Variants in SLC38A9 observed in about 807,000 individuals in gnomAD.
SLC38A9 encodes the protein neutral amino acid transporter 9.
A neutral mutation model predicts 62.3 loss-of-function variants in SLC38A9; 48 were observed. The observed-to-expected ratio is 0.77, with a 90% confidence interval of 0.61 to 0.98. The LOEUF is 0.98. Ranked by LOEUF, SLC38A9 falls within the 50% of genes least tolerant of loss-of-function variation. The pLI is 0.00. For missense variants in SLC38A9, 541 were observed against 679.8 expected (o/e 0.80, Z 2.27); for synonymous variants, 204 against 227.7 (o/e 0.90, Z 0.94).
intron 3 of SLC38A9, among the ~76,000 whole-genome samples, chr5:55,683,724 TAC>T (rs1753369647): frequency 6.6e-6 from 1 of 152,230 alleles, no homozygotes; most frequent in Non-Finnish European, 1.5e-5. Context: ...TGTATGTAGC[TAC>T]AGTCTGTTCA....
At chr5:55,662,700 T>A (rs190669199) in intron 8 of SLC38A9, among the ~76,000 whole-genome samples, 1,583 of 98,460 alleles carry the variant, frequency 0.016, 27 homozygotes, top group African/African-American at 0.05. Flanking sequence ...AAAAAAAAAA[T>A]GCAAAACAAA....
chr5:55,635,296 G>A lies in SLC38A9; in HGVS notation c.1281+248C>T, dbSNP rs559915683. On this transcript the variant is annotated intron_variant, in intron 13 of 15. Coordinates refer to ENST00000396865, the MANE Select transcript of SLC38A9 (RefSeq NM_173514.4). ...TTGAGTACCACAAGGTGCCTGGCAT[G>A]TAGTACATTATCTCAGAGTCCATCT... 9.5e-6 allele frequency: 5 copies of A among 528,726 alleles called. No individual in the cohort carries two copies. In the East Asian group the frequency reaches 1.7e-4, roughly 18 times the overall value. 32.8% of individuals were successfully genotyped at this position (528,726 alleles called of 1,614,324 possible).
At chr5:55,645,423 T>C (rs1465333678) in intron 12 of SLC38A9, among the ~76,000 whole-genome samples, 1 of 152,242 alleles carries the variant, frequency 6.6e-6, no homozygotes, top group Non-Finnish European at 1.5e-5. Flanking sequence ...GTGGTTGCTC[T>C]ATGGCAGGCA....
chr5:55,680,368 G>A (rs1752831667), intron 3 of SLC38A9, among the ~76,000 whole-genome samples: 1 of 152,200 alleles, frequency 6.6e-6, no homozygotes, highest in Admixed American at 6.5e-5. Flanking sequence ...TAGTTTGAGT[G>A]TGTTCCCTCC....
chr5:55,627,981 C>T lies in SLC38A9; in HGVS notation c.1431-1G>A, dbSNP rs1408375615. ...ATTAAGAATCAGCACATGGAAAATGCTAGAAGTTGAGAAGAGAGTTTGGAA... is the reference window on the plus strand; with the variant it reads ...ATTAAGAATCAGCACATGGAAAATGTTAGAAGTTGAGAAGAGAGTTTGGAA... On this transcript the variant is annotated splice_acceptor_variant, in intron 14 of 15. Coordinates refer to ENST00000396865, the MANE Select transcript of SLC38A9 (RefSeq NM_173514.4). LOFTEE classifies it high-confidence loss of function. 1.2e-6 allele frequency: 2 copies of T among 1,607,374 alleles called. No homozygotes were observed. Among genetic ancestry groups the T allele is most frequent in the Non-Finnish European group, 1.7e-6 (2 of 1,175,036 alleles).
chr5:55,692,781 T>C (rs1315253744), intron 3 of SLC38A9: 3 of 985,272 alleles, frequency 3.0e-6, no homozygotes, highest in Admixed American at 1.2e-4. Flanking sequence ...GTCAATTATT[T>C]ATCACAGAAT....
At chr5:55,710,810 G>C (rs1403006643) in intron 2 of SLC38A9, among the ~76,000 whole-genome samples, 2 of 151,380 alleles carry the variant, frequency 1.3e-5, no homozygotes, top group African/African-American at 4.8e-5. Flanking sequence ...AGTAGAGACG[G>C]GGTTTCACCA....
chr5:55,686,758 A>G (rs1476506484), intron 3 of SLC38A9, among the ~76,000 whole-genome samples: 1 of 152,134 alleles, frequency 6.6e-6, no homozygotes, highest in Admixed American at 6.6e-5. Context: ...TAGGTTTTAT[A>G]TTTAAGTCTT....
At chr5:55,636,440 T>C (rs186247010) in intron 12 of SLC38A9, among the ~76,000 whole-genome samples, 21 of 152,330 alleles carry the variant, frequency 1.4e-4, no homozygotes, top group African/African-American at 5.0e-4. Flanking sequence ...AAAAATCTGG[T>C]CTTCATCACC....
intron 2 of SLC38A9, among the ~76,000 whole-genome samples, chr5:55,698,483 C>T (rs1484504503): frequency 6.6e-6 from 1 of 152,162 alleles, no homozygotes; most frequent in Non-Finnish European, 1.5e-5. Context: ...GCTCAGTGTT[C>T]ATCCAAAGTA....
intron 3 of SLC38A9, among the ~76,000 whole-genome samples, chr5:55,675,000 A>G (rs1000882574): frequency 1.3e-5 from 2 of 152,246 alleles, no homozygotes; most frequent in African/African-American, 4.8e-5. Flanking sequence ...ACAAAATTCA[A>G]GAAAGAATGA....
At chr5:55,698,893 C>T (rs4579210) in intron 2 of SLC38A9, among the ~76,000 whole-genome samples, 91,106 of 151,816 alleles carry the variant, frequency 0.6, 27,910 homozygotes, top group South Asian at 0.7. Flanking sequence ...GCTATGATTG[C>T]GCCACTGCAC....
At chr5:55,687,925 C>T (rs961555834) in intron 3 of SLC38A9, among the ~76,000 whole-genome samples, 2 of 152,114 alleles carry the variant, frequency 1.3e-5, no homozygotes, top group Non-Finnish European at 2.9e-5. Context: ...TCTCAATCTC[C>T]TGACCTCATG....
intron 8 of SLC38A9, among the ~76,000 whole-genome samples, chr5:55,660,704 C>A (rs1290281754): frequency 6.6e-6 from 1 of 152,042 alleles, no homozygotes; most frequent in African/African-American, 2.4e-5. Flanking sequence ...AATTCATTCT[C>A]AGGGTGTGAA....
At position 55,652,486 on chromosome 5, in the gene SLC38A9, A is replaced by G. The variant is rs376521121; in HGVS notation, c.952+43T>C. On this transcript the variant is annotated intron_variant, in intron 10 of 15. Coordinates refer to ENST00000396865, the MANE Select transcript of SLC38A9 (RefSeq NM_173514.4). ...CATATTTCCCTAGACTCCACCACGT[A>G]TTCTATTACACAAAGTCTCCATAAT... 741 of 1,289,662 alleles carry G rather than the reference A, an allele frequency of 5.7e-4. 3 individuals carry two copies. The Middle Eastern group carries it at 6.0e-3, about 10-fold the overall frequency. 79.9% of individuals were successfully genotyped at this position (1,289,662 alleles called of 1,614,324 possible). A position where few individuals can be genotyped will look rare whatever the true frequency, so the allele number is the denominator to read the frequency against.
intron 7 of SLC38A9, among the ~76,000 whole-genome samples, chr5:55,668,048 T>C (rs1290428834): frequency 6.6e-6 from 1 of 152,200 alleles, no homozygotes. Flanking sequence ...GGTATGCACC[T>C]GTAGTCCCAG....
At chr5:55,692,844 A>G (rs2150551524) in intron 3 of SLC38A9, 1 of 982,224 alleles carries the variant, frequency 1.0e-6, no homozygotes, top group Non-Finnish European at 1.2e-6. Flanking sequence ...ATTAGTGCTT[A>G]TATTTACTGA....
intron 3 of SLC38A9, among the ~76,000 whole-genome samples, chr5:55,675,888 C>G (rs936550363): frequency 6.6e-6 from 1 of 152,056 alleles, no homozygotes; most frequent in Non-Finnish European, 1.5e-5. Flanking sequence ...TCCTACTGAC[C>G]AGTTATGCTT....
At chr5:55,675,991 G>A (rs1413542633) in intron 3 of SLC38A9, among the ~76,000 whole-genome samples, 1 of 152,100 alleles carries the variant, frequency 6.6e-6, no homozygotes, top group Non-Finnish European at 1.5e-5. Context: ...AGTATTTAGG[G>A]ATATACAGAC....
Sources: allele counts gnomAD v4.1 joint callset (sites outside exome capture counted in the v4.1 genomes callset), GRCh38; gene constraint gnomAD v4.1.1; transcripts MANE v1.5; gene names NCBI Gene and HGNC (gene_info 2026-07-23, HGNC 2026-07-21).